Variants in FMN1 observed in about 807,000 individuals in gnomAD.
FMN1 encodes formin-1.
A neutral mutation model predicts 132.4 loss-of-function variants in FMN1; 110 were observed. The ratio of observed to expected loss-of-function variants is 0.83; its 90% CI spans 0.71 to 0.97. The LOEUF (loss-of-function observed/expected upper bound fraction) is 0.97. Ranked by LOEUF, FMN1 falls within the 50% of genes least tolerant of loss-of-function variation. The pLI is 0.00. For synonymous variants in FMN1, 722 were observed against 651.7 expected (o/e 1.11, Z -1.64); for missense variants, 1,792 against 1,705.3 (o/e 1.05, Z -0.90).
intron 6 of FMN1, among the ~76,000 whole-genome samples, chr15:33,016,668 G>A (rs2035064823): frequency 2.0e-5 from 3 of 152,130 alleles, no homozygotes. Context: ...TTTGTCAGCG[G>A]GCCTTCAACC....
intron 5 of FMN1, among the ~76,000 whole-genome samples, chr15:33,076,879 T>C (rs1286647485): frequency 6.6e-6 from 1 of 152,124 alleles, no homozygotes; most frequent in African/African-American, 2.4e-5. Context: ...TTACAGAGGG[T>C]AGAAAGGTCA....
At chr15:32,820,237 C>T (rs57264322) in intron 17 of FMN1, among the ~76,000 whole-genome samples, 5,091 of 152,182 alleles carry the variant, frequency 0.033, 136 homozygotes, top group East Asian at 0.085. Flanking sequence ...ACTCCCTCTA[C>T]TATAAAAAGT....
chr15:33,085,466 G>C, intron 5 of FMN1, among the ~76,000 whole-genome samples: 2 of 151,262 alleles, frequency 1.3e-5, no homozygotes, highest in Middle Eastern at 3.5e-3. Flanking sequence ...GAAAAACTAA[G>C]CAACATACTA....
At position 33,187,596 on chromosome 15, in the gene FMN1, G is replaced by A. The variant is rs149008800; in HGVS notation, c.-197+6313C>T. On this transcript the variant is annotated intron_variant, in intron 2 of 20. Transcript: ENST00000616417. The stretch of plus-strand genomic sequence containing the variant: ...GAATTCTGTGGGTCAAGCTCCAATG[G>A]GACACAGCCACAGATGACTACAACT... 2.7e-3 allele frequency among the ~76,000 whole-genome samples: 410 copies of A among 152,250 alleles called. 1 individual carries two copies. The highest frequency in any genetic ancestry group is 9.3e-3 in the African/African-American group (388 of 41,536).
chr15:33,131,089 G>T (rs1453664660), intron 4 of FMN1, among the ~76,000 whole-genome samples: 1 of 152,110 alleles, frequency 6.6e-6, no homozygotes, highest in African/African-American at 2.4e-5. Flanking sequence ...CAGCACTTTG[G>T]GGGGCCGAGG....
At chr15:32,983,653 A>G (rs2140793251) in intron 7 of FMN1, among the ~76,000 whole-genome samples, 1 of 152,266 alleles carries the variant, frequency 6.6e-6, no homozygotes, top group African/African-American at 2.4e-5. Flanking sequence ...TTCTGTCTGC[A>G]ACAAAATCTC....
chr15:33,067,879 C>T (rs761246191), intron 5 of FMN1: 1 of 1,607,440 alleles, frequency 6.2e-7, no homozygotes, highest in South Asian at 1.1e-5. Context: ...TATCAACGTT[C>T]TCCATGTCTC....
chr15:32,848,694 A>C (rs2058920748), intron 17 of FMN1, among the ~76,000 whole-genome samples: 1 of 152,210 alleles, frequency 6.6e-6, no homozygotes, highest in Non-Finnish European at 1.5e-5. Context: ...AAAAATGTGA[A>C]GTGCGAAGTA....
chr15:32,991,829 T>C lies in FMN1; in HGVS notation c.2223+16185A>G, dbSNP rs544868246. ...TTTGACACTCAAAGGCCACAGGCAT[T>C]ATATGGATCCAATAAGAGAGCTGCT... On this transcript the variant is annotated intron_variant, in intron 7 of 20. Transcript: ENST00000616417. Among the ~76,000 whole-genome samples the C allele has an allele frequency of 4.3e-4, 65 of 152,214 alleles. 1 individual carries two copies. The Middle Eastern group carries it at 0.017, about 40-fold the overall frequency.
chr15:32,901,035 TC>T (rs907577334), intron 13 of FMN1, among the ~76,000 whole-genome samples: 2 of 151,996 alleles, frequency 1.3e-5, no homozygotes, highest in Non-Finnish European at 2.9e-5. Context: ...GCACCTGTAA[TC>T]CCAGCTACCT....
At chr15:33,112,935 T>A (rs1207792644) in intron 4 of FMN1, among the ~76,000 whole-genome samples, 1 of 152,154 alleles carries the variant, frequency 6.6e-6, no homozygotes, top group Non-Finnish European at 1.5e-5. Flanking sequence ...CCTGGTGTAC[T>A]GGGACAAAGG....
chr15:32,891,523 C>T (rs975753198), intron 15 of FMN1, among the ~76,000 whole-genome samples: 3 of 152,176 alleles, frequency 2.0e-5, no homozygotes, highest in African/African-American at 4.8e-5. Context: ...CGTGAGCCAC[C>T]GTGTCCAGCC....
Position 32,936,304 on chromosome 15 carries a change from G to A in FMN1, c.3139-10043C>T, listed in dbSNP as rs143441324. The stretch of plus-strand genomic sequence containing the variant: ...GCTTTGTTACTTTGTGTTGGGATGT[G>A]AAAAAGAAGTCACCATTCTCATTCT... On this transcript the variant is annotated intron_variant, in intron 9 of 20. Coordinates refer to ENST00000616417, the MANE Select transcript of FMN1 (RefSeq NM_001277313.2). Among the ~76,000 whole-genome samples the A allele has an allele frequency of 2.1e-3, 320 of 152,276 alleles. 1 individual carries two copies. Among genetic ancestry groups the A allele is most frequent in the African/African-American group, 7.4e-3 (307 of 41,570 alleles).
chr15:32,823,467 A>T (rs1267551604), intron 17 of FMN1, among the ~76,000 whole-genome samples: 1 of 152,022 alleles, frequency 6.6e-6, no homozygotes, highest in Non-Finnish European at 1.5e-5. Flanking sequence ...CCCGGCCGAG[A>T]GTTTCTATCG....
At chr15:32,905,536 C>T (rs752390722) in intron 12 of FMN1, among the ~76,000 whole-genome samples, 13 of 152,134 alleles carry the variant, frequency 8.5e-5, no homozygotes, top group Non-Finnish European at 1.3e-4. Context: ...TAAGAGTCAA[C>T]GGCCATCCCT....
chr15:32,954,365 C>G (rs2061717573), intron 9 of FMN1, among the ~76,000 whole-genome samples: 1 of 152,156 alleles, frequency 6.6e-6, no homozygotes, highest in South Asian at 2.1e-4. Flanking sequence ...AGATATTGCT[C>G]AATGTGTAAT....
At chr15:33,025,285 T>C (rs977717327) in intron 6 of FMN1, among the ~76,000 whole-genome samples, 3 of 152,144 alleles carry the variant, frequency 2.0e-5, no homozygotes, top group South Asian at 4.1e-4. Flanking sequence ...CTACCAGAAA[T>C]AGATCAAGCA....
intron 4 of FMN1, among the ~76,000 whole-genome samples, chr15:33,125,300 T>C (rs1310201946): frequency 6.6e-6 from 1 of 152,228 alleles, no homozygotes; most frequent in African/African-American, 2.4e-5. Flanking sequence ...AAGCTTCTGA[T>C]GCATAGTAAG....
intron 4 of FMN1, among the ~76,000 whole-genome samples, chr15:33,120,507 A>G (rs1024768962): frequency 2.0e-5 from 3 of 152,188 alleles, no homozygotes. Context: ...GCAACAAGGA[A>G]TTGTATAATC....
Sources: gnomAD v4.1 joint callset for allele counts (sites outside exome capture counted in the v4.1 genomes callset) on GRCh38, gnomAD v4.1.1 for gene constraint, MANE v1.5 for transcripts, NCBI Gene and HGNC (gene_info 2026-07-23, HGNC 2026-07-21) for gene names.